The following OPCML variants were observed in gnomAD, a reference collection of about 807,000 sequenced individuals.
OPCML encodes the protein opioid-binding protein/cell adhesion molecule.
In OPCML, 13 loss-of-function variants were observed where a neutral mutation model predicts 37.8. That is an observed-to-expected ratio of 0.34 (90% CI 0.22 to 0.55). OPCML has a LOEUF of 0.55. Ranked by LOEUF, OPCML falls within the 20% of genes least tolerant of loss-of-function variation. The pLI, the probability that OPCML is intolerant of heterozygous loss-of-function variation, is 0.91. For synonymous variants in OPCML, 176 were observed against 168.8 expected, an observed-to-expected ratio of 1.04 and a Z score of -0.33; for missense variants, 341 against 435.6, an observed-to-expected ratio of 0.78 and a Z score of 1.93.
chr11:132,540,779 C>T (rs2096354514), intron 3 of OPCML, among the ~76,000 whole-genome samples: 1 of 152,216 alleles, frequency 6.6e-6, no homozygotes, highest in Non-Finnish European at 1.5e-5. Context: ...TCCACAGTGT[C>T]TCTTACAGAA....
At chr11:133,236,395 A>G (rs1193851808) in intron 1 of OPCML, among the ~76,000 whole-genome samples, 3 of 152,206 alleles carry the variant, frequency 2.0e-5, no homozygotes, top group Non-Finnish European at 4.4e-5. Context: ...TTTTTATTTA[A>G]TCTTTCAGGC....
At chr11:132,444,497 C>T (rs757231077) in intron 4 of OPCML, among the ~76,000 whole-genome samples, 1 of 152,154 alleles carries the variant, frequency 6.6e-6, no homozygotes, top group Non-Finnish European at 1.5e-5. Flanking sequence ...TACTGTTTAC[C>T]CTTCTTCCTA....
intron 1 of OPCML, among the ~76,000 whole-genome samples, chr11:132,999,944 A>G (rs10894635): frequency 0.2 from 29,833 of 152,130 alleles, 3,102 homozygotes; most frequent in Admixed American, 0.32. Context: ...GCCTGCTTGC[A>G]CTCAGCCCAC....
chr11:133,286,092 C>A (rs1942288255), intron 1 of OPCML, among the ~76,000 whole-genome samples: 1 of 152,132 alleles, frequency 6.6e-6, no homozygotes, highest in Non-Finnish European at 1.5e-5. Flanking sequence ...TTGGATAGAA[C>A]CAGCCTCCTT....
intron 2 of OPCML, among the ~76,000 whole-genome samples, chr11:132,744,173 G>A (rs527900848): frequency 1.6e-4 from 25 of 152,088 alleles, no homozygotes; most frequent in African/African-American, 4.3e-4. Context: ...CAGAAAATAC[G>A]TGCCTATGTT....
intron 2 of OPCML, among the ~76,000 whole-genome samples, chr11:132,737,315 T>G (rs990385383): frequency 2.0e-5 from 3 of 152,208 alleles, no homozygotes; most frequent in Admixed American, 1.3e-4. Context: ...GTAGTACTTA[T>G]TCCCCAGAGT....
At chr11:132,472,744 A>C (rs1291547183) in intron 4 of OPCML, among the ~76,000 whole-genome samples, 1 of 152,156 alleles carries the variant, frequency 6.6e-6, no homozygotes, top group Non-Finnish European at 1.5e-5. Context: ...CCCCACTGGG[A>C]CCCACAGTCC....
intron 1 of OPCML, among the ~76,000 whole-genome samples, chr11:133,022,077 T>A (rs1407550347): frequency 3.3e-5 from 5 of 152,204 alleles, no homozygotes; most frequent in Non-Finnish European, 5.9e-5. Flanking sequence ...GAATCTGGGT[T>A]TCTACTTCGC....
chr11:132,424,072 T>TA (rs2095969394), intron 7 of OPCML, among the ~76,000 whole-genome samples: 1 of 152,070 alleles, frequency 6.6e-6, no homozygotes, highest in Admixed American at 6.6e-5. Context: ...CATTTATTGG[T>TA]AAAAATTGGA....
At chr11:132,771,032 C>G (rs1057253549) in intron 2 of OPCML, among the ~76,000 whole-genome samples, 2 of 152,088 alleles carry the variant, frequency 1.3e-5, no homozygotes, top group Admixed American at 6.6e-5. Flanking sequence ...GAGTCCTGAT[C>G]GCAGGGTAGT....
chr11:133,015,301 C>T (rs71477425), intron 1 of OPCML, among the ~76,000 whole-genome samples: 1 of 126,914 alleles, frequency 7.9e-6, no homozygotes, highest in Middle Eastern at 4.4e-3. Context: ...AGAAAGTATG[C>T]GTTGTATTAT....
chr11:132,959,441 C>T (rs115464004), intron 1 of OPCML, among the ~76,000 whole-genome samples: 2,536 of 152,242 alleles, frequency 0.017, 73 homozygotes, highest in African/African-American at 0.058. Context: ...GATAAAGCAG[C>T]GGCGGGATTT....
At chr11:132,801,433 C>T (rs1052326322) in intron 2 of OPCML, among the ~76,000 whole-genome samples, 1 of 152,146 alleles carries the variant, frequency 6.6e-6, no homozygotes, top group African/African-American at 2.4e-5. Flanking sequence ...GGAGAGAATA[C>T]AAGGTCTTCC....
intron 4 of OPCML, among the ~76,000 whole-genome samples, chr11:132,459,494 ATATC>A (rs1422740846): frequency 6.8e-6 from 1 of 147,886 alleles, no homozygotes; most frequent in African/African-American, 2.5e-5. Flanking sequence ...AGGATAATAT[ATATC>A]TATATAGAGA....
At chr11:132,882,091 G>A (rs1037646548) in intron 2 of OPCML, among the ~76,000 whole-genome samples, 6 of 152,130 alleles carry the variant, frequency 3.9e-5, no homozygotes, top group African/African-American at 1.4e-4. Context: ...TTCAGGCTGG[G>A]GACATTTCAA....
chr11:132,727,210 G>C (rs1944916826), intron 2 of OPCML, among the ~76,000 whole-genome samples: 1 of 152,114 alleles, frequency 6.6e-6, no homozygotes, highest in African/African-American at 2.4e-5. Context: ...TAGAGAGGTA[G>C]GGTCGCTCTC....
At chr11:133,417,124 C>T (rs1033187447) in intron 1 of OPCML, among the ~76,000 whole-genome samples, 2 of 152,192 alleles carry the variant, frequency 1.3e-5, no homozygotes, top group Non-Finnish European at 2.9e-5. Context: ...CATCTACATC[C>T]TCTGTAATGT....
chr11:132,519,367 C>A (rs964237723), intron 4 of OPCML, among the ~76,000 whole-genome samples: 2 of 152,020 alleles, frequency 1.3e-5, no homozygotes, highest in African/African-American at 4.8e-5. Flanking sequence ...TGCACAGTGA[C>A]GCTTGCTGAA....
At chr11:132,713,203 G>C (rs1042837146) in intron 2 of OPCML, among the ~76,000 whole-genome samples, 2 of 152,100 alleles carry the variant, frequency 1.3e-5, no homozygotes, top group Non-Finnish European at 2.9e-5. Context: ...ATGACACGAC[G>C]CTTCGTAATT....
Sources: gnomAD v4.1 joint callset for allele counts (sites outside exome capture counted in the v4.1 genomes callset) on GRCh38, gnomAD v4.1.1 for gene constraint, MANE v1.5 for transcripts, NCBI Gene and HGNC (gene_info 2026-07-23, HGNC 2026-07-21) for gene names.